FTO: variants seen among roughly 807,000 people sequenced by gnomAD.
The protein encoded by FTO is alpha-ketoglutarate-dependent dioxygenase FTO.
FTO carries 47 observed loss-of-function variants against 63.9 expected under a neutral mutation model. That is an observed-to-expected ratio of 0.74 (90% CI 0.58 to 0.94). The LOEUF is 0.94. Ranked by LOEUF, FTO falls within the 40% of genes least tolerant of loss-of-function variation. The probability of loss-of-function intolerance (pLI) is 0.00; values close to 1 mark genes in which losing one functional copy is unlikely to be tolerated. For missense variants in FTO, 562 were observed against 618.1 expected (o/e 0.91, Z 0.96); for synonymous variants, 207 against 224.4 (o/e 0.92, Z 0.69).
At position 53,735,681 on chromosome 16, in the gene FTO, A is replaced by C. The variant is rs192113970; in HGVS notation, c.45+31452A>C. Among the ~76,000 whole-genome samples the C allele has an allele frequency of 1.6e-3, 239 of 152,348 alleles. 1 individual carries two copies. Among genetic ancestry groups the C allele is most frequent in the Non-Finnish European group, 2.8e-3 (191 of 68,034 alleles). ...AGCAGCTCAGGAAGCAGCATAGCAG[A>C]GTGTAAATGGCATTGTCTTTGAAGC... On this transcript the variant is annotated intron_variant, in intron 1 of 8. Transcript: ENST00000471389.
intron 1 of FTO, among the ~76,000 whole-genome samples, chr16:53,797,007 C>T (rs2078090213): frequency 6.6e-6 from 1 of 152,148 alleles, no homozygotes; most frequent in Admixed American, 6.5e-5. Context: ...TTGGCATTTT[C>T]TCGAATTTTG....
In FTO at chr16:53,862,441, C is replaced by T. The variant is rs1160996608; in HGVS notation, c.896-11345C>T. ...TTAACAGAATATGTTTATGTCCTTG[C>T]TCAACCATTTTATAGTGCAGACTCT... On this transcript the variant is annotated intron_variant, in intron 4 of 8. Coordinates refer to ENST00000471389, the MANE Select transcript of FTO (RefSeq NM_001080432.3). Among the ~76,000 whole-genome samples, 4 of 151,972 alleles carry T rather than the reference C, an allele frequency of 2.6e-5. No individual in the cohort carries two copies. In the East Asian group the frequency reaches 7.7e-4, roughly 29 times the overall value.
chr16:53,817,458 T>C (rs1388087687), intron 2 of FTO, among the ~76,000 whole-genome samples: 11 of 152,146 alleles, frequency 7.2e-5, no homozygotes, highest in Admixed American at 7.2e-4. Flanking sequence ...GAGTGCAAAA[T>C]AGAAAGTGTT....
chr16:53,809,376 C>T (rs1350066688), intron 1 of FTO, among the ~76,000 whole-genome samples: 1 of 152,158 alleles, frequency 6.6e-6, no homozygotes, highest in Non-Finnish European at 1.5e-5. Flanking sequence ...TCCACATATG[C>T]TGACATTATG....
intron 1 of FTO, among the ~76,000 whole-genome samples, chr16:53,770,561 T>A (rs535627320): frequency 3.3e-5 from 5 of 152,204 alleles, no homozygotes; most frequent in Non-Finnish European, 7.4e-5. Flanking sequence ...TGCAGACACA[T>A]TTCAATTGCT....
intron 6 of FTO, among the ~76,000 whole-genome samples, chr16:53,886,188 T>G (rs1251422268): frequency 6.6e-6 from 1 of 152,196 alleles, no homozygotes; most frequent in Non-Finnish European, 1.5e-5. Context: ...TCTCCTTGCT[T>G]CCAAGTTTTA....
chr16:53,706,386 G>A (rs1176340620), intron 1 of FTO, among the ~76,000 whole-genome samples: 1 of 152,078 alleles, frequency 6.6e-6, no homozygotes, highest in Non-Finnish European at 1.5e-5. Context: ...TTGGCATAGC[G>A]AACATTTCTC....
intron 1 of FTO, among the ~76,000 whole-genome samples, chr16:53,723,085 C>G (rs2076078433): frequency 6.6e-6 from 1 of 152,188 alleles, no homozygotes; most frequent in Non-Finnish European, 1.5e-5. Context: ...CTTAGCTAAT[C>G]AAATAGTTTA....
chr16:53,797,751 C>A (rs2078112764), intron 1 of FTO, among the ~76,000 whole-genome samples: 2 of 151,846 alleles, frequency 1.3e-5, no homozygotes, highest in Admixed American at 1.3e-4. Context: ...AAGTAGTTGA[C>A]CATTTTGTTT....
At chr16:53,978,944 A>G (rs566150139) in intron 8 of FTO, among the ~76,000 whole-genome samples, 2 of 152,288 alleles carry the variant, frequency 1.3e-5, no homozygotes, top group South Asian at 4.1e-4. Context: ...AGTTGCAGTG[A>G]GCTGAGATCA....
At chr16:53,945,346 G>T (rs770137363) in intron 8 of FTO, among the ~76,000 whole-genome samples, 2 of 152,208 alleles carry the variant, frequency 1.3e-5, no homozygotes, top group Non-Finnish European at 2.9e-5. Flanking sequence ...TTTATATGAT[G>T]AGAAAACCGA....
At chr16:53,941,979 C>T (rs908817807) in intron 8 of FTO, among the ~76,000 whole-genome samples, 3 of 152,224 alleles carry the variant, frequency 2.0e-5, no homozygotes, top group African/African-American at 7.2e-5. Context: ...GAATGCCTGA[C>T]ACTCAGATTT....
chr16:54,054,972 A>G (rs577784618), intron 8 of FTO, among the ~76,000 whole-genome samples: 2 of 152,326 alleles, frequency 1.3e-5, no homozygotes, highest in South Asian at 4.1e-4. Flanking sequence ...TGTGAACCCA[A>G]TGCTAGCTGA....
chr16:54,003,986 A>T (rs1358640375), intron 8 of FTO, among the ~76,000 whole-genome samples: 1 of 152,166 alleles, frequency 6.6e-6, no homozygotes, highest in Non-Finnish European at 1.5e-5. Context: ...AAATAAGATT[A>T]TCTTATATGA....
intron 8 of FTO, among the ~76,000 whole-genome samples, chr16:54,038,171 A>G (rs1206952973): frequency 2.0e-5 from 3 of 152,210 alleles, no homozygotes; most frequent in African/African-American, 7.2e-5. Context: ...TTGGCCCCAG[A>G]CAGGATGACC....
intron 1 of FTO, among the ~76,000 whole-genome samples, chr16:53,760,537 C>T (rs887735120): frequency 2.0e-5 from 3 of 150,806 alleles, no homozygotes; most frequent in Admixed American, 1.3e-4. Context: ...TGAGCCACCA[C>T]ACCTGGCTTT....
chr16:53,754,108 AT>A (rs1454909345), intron 1 of FTO, among the ~76,000 whole-genome samples: 2 of 152,248 alleles, frequency 1.3e-5, no homozygotes, highest in Non-Finnish European at 2.9e-5. Flanking sequence ...CTATTTACAA[AT>A]TTTGTAAATT....
intron 8 of FTO, among the ~76,000 whole-genome samples, chr16:54,022,802 C>T (rs1176582242): frequency 4.6e-5 from 7 of 152,168 alleles, no homozygotes; most frequent in Non-Finnish European, 7.3e-5. Flanking sequence ...ATAATTGCAA[C>T]GAATTGTAAT....
intron 3 of FTO, among the ~76,000 whole-genome samples, chr16:53,842,269 A>G (rs1290578349): frequency 6.6e-6 from 1 of 152,184 alleles, no homozygotes; most frequent in Non-Finnish European, 1.5e-5. Flanking sequence ...TGTCCCCTTC[A>G]TGGTAATCAG....
Sources: allele counts gnomAD v4.1 joint callset (sites outside exome capture counted in the v4.1 genomes callset), GRCh38; gene constraint gnomAD v4.1.1; transcripts MANE v1.5; gene names NCBI Gene and HGNC (gene_info 2026-07-23, HGNC 2026-07-21).